Variants in RYR2 observed in about 807,000 individuals in gnomAD.
The protein encoded by RYR2 is ryanodine receptor 2.
Under a neutral mutation model 601.1 loss-of-function variants are expected in RYR2, and 227 were observed. The ratio of observed to expected loss-of-function variants is 0.38; its 90% confidence interval spans 0.34 to 0.42. RYR2 has a LOEUF of 0.42. RYR2 is among the 10% of genes least tolerant of loss of function. RYR2 has a pLI of 1.00. For synonymous variants in RYR2, 2,223 were observed against 2,175.1 expected (o/e 1.02, Z -0.61); for missense variants, 4,646 against 6,156.5 (o/e 0.75, Z 8.21).
chr1:237,719,022 G>T (rs1689490314), intron 73 of RYR2, among the ~76,000 whole-genome samples: 1 of 152,268 alleles, frequency 6.6e-6, no homozygotes, highest in South Asian at 2.1e-4. Context: ...CCAACAGTTT[G>T]GGAGGCTGAG....
At chr1:237,595,768 C>T in intron 34 of RYR2, 111 bp downstream of exon 34, 1 of 1,283,242 alleles carries the variant, frequency 7.8e-7, no homozygotes, top group Non-Finnish European at 1.0e-6. Flanking sequence ...TGTACATGTG[C>T]CCCTGGTCTG....
chr1:237,328,047 T>A (rs1455172601), intron 2 of RYR2, among the ~76,000 whole-genome samples: 1 of 152,224 alleles, frequency 6.6e-6, no homozygotes, highest in East Asian at 1.9e-4. Context: ...GATTGTTAGA[T>A]ATTTTGGATT....
chr1:237,554,710 A>G (rs2148143952), intron 27 of RYR2, among the ~76,000 whole-genome samples: 1 of 152,076 alleles, frequency 6.6e-6, no homozygotes, highest in East Asian at 1.9e-4. Flanking sequence ...CAACTTTGAT[A>G]AATTATGTTT....
intron 1 of RYR2, among the ~76,000 whole-genome samples, chr1:237,230,341 C>T (rs1375253146): frequency 1.3e-5 from 2 of 152,126 alleles, no homozygotes; most frequent in Non-Finnish European, 2.9e-5. Flanking sequence ...TTATATGCCA[C>T]TATTATAGGT....
chr1:237,324,306 AAAC>A (rs1695932663), intron 2 of RYR2, among the ~76,000 whole-genome samples: 1 of 152,216 alleles, frequency 6.6e-6, no homozygotes, highest in African/African-American at 2.4e-5. Context: ...TGGTAAATTA[AAAC>A]AACAACCACC....
At chr1:237,520,439 ATTG>A (rs760966557) in intron 24 of RYR2, among the ~76,000 whole-genome samples, 1 of 152,080 alleles carries the variant, frequency 6.6e-6, no homozygotes, top group Non-Finnish European at 1.5e-5. Flanking sequence ...TAGCTGTGAG[ATTG>A]TTGTATATGG....
chr1:237,240,389 A>G (rs896458662), intron 1 of RYR2, among the ~76,000 whole-genome samples: 7 of 152,134 alleles, frequency 4.6e-5, no homozygotes, highest in African/African-American at 1.7e-4. Context: ...AACACCTTTT[A>G]TTAATAAAGA....
chr1:237,783,126 G>T (rs906691198), intron 89 of RYR2, among the ~76,000 whole-genome samples: 1 of 152,168 alleles, frequency 6.6e-6, no homozygotes, highest in Non-Finnish European at 1.5e-5. Context: ...ATCAGAAAAA[G>T]CGTACAGTTT....
At chr1:237,795,844 A>ATATATATATATATATATG (rs1553329322) in intron 96 of RYR2, among the ~76,000 whole-genome samples, 1 of 114,218 alleles carries the variant, frequency 8.8e-6, no homozygotes, top group Non-Finnish European at 1.7e-5. Context: ...GTGTATATAT[A>ATATATATATATATATATG]TATATGTATA....
rs571828296 is a variant in RYR2, at chr1:237,496,558, A to G, written c.2009A>G (p.Tyr670Cys). The part of the protein sequence containing the change: ...FLGVSEGSAQ[Y>C]KKWYYELMVD... ...GGCGTCAGTGAAGGTTCTGCTCAGT[A>G]TAAGAAATGGTACTATGAATTGATG... is the stretch of plus-strand genomic sequence containing the variant. Residue 670 changes from tyrosine (Y) to cysteine (C), a missense_variant, in exon 20 of 105, where the codon TAT becomes TGT. This residue lies in a region of RYR2 where 1,807 missense variants were observed against 2,088.1 expected (regional missense o/e 0.87). Coordinates refer to ENST00000366574, the MANE Select transcript of RYR2 (RefSeq NM_001035.3). 4 of 1,614,040 alleles carry G rather than the reference A, an allele frequency of 2.5e-6. No homozygotes were observed. The South Asian group carries it at 3.3e-5, about 13-fold the overall frequency.
chr1:237,776,380 C>G (rs1367684880), intron 87 of RYR2, among the ~76,000 whole-genome samples: 1 of 152,180 alleles, frequency 6.6e-6, no homozygotes, highest in Non-Finnish European at 1.5e-5. Context: ...TCACCACTGT[C>G]CCTTCAGACT....
chr1:237,515,858 C>T (rs1666453813), intron 24 of RYR2, among the ~76,000 whole-genome samples: 3 of 19,010 alleles, frequency 1.6e-4, no homozygotes, highest in South Asian at 1.7e-3. Flanking sequence ...CTCTTCTTCT[C>T]TTCTCTCTTC....
In RYR2 at chr1:237,491,871, G is replaced by A; in HGVS notation, c.1774G>A (p.Gly592Arg). 1 of 1,473,518 alleles carries A rather than the reference G, an allele frequency of 6.8e-7. No homozygotes were observed. The highest frequency in any genetic ancestry group is 1.2e-5 in the South Asian group (1 of 81,576). 91.3% of individuals were successfully genotyped at this position (1,473,518 alleles called of 1,614,324 possible). A position where few individuals can be genotyped will look rare whatever the true frequency, so the allele number is the denominator to read the frequency against. The change falls in exon 18 of 105, where the codon GGA becomes AGA. Residue 592 changes from glycine to arginine, a missense_variant. This residue lies in a region of RYR2 where 1,807 missense variants were observed against 2,088.1 expected (regional missense o/e 0.87). Coordinates refer to ENST00000366574, the MANE Select transcript of RYR2 (RefSeq NM_001035.3). Reference protein sequence around the residue: ...SPEALNIIKEGHIKSIISLLD... With the variant: ...SPEALNIIKERHIKSIISLLD... ...AGAAGCTCTAAATATTATTAAAGAA[G>A]GACATATTAAATCTATTATCTCACT...
intron 2 of RYR2, among the ~76,000 whole-genome samples, chr1:237,316,564 T>G (rs1335001247): frequency 6.6e-6 from 1 of 152,216 alleles, no homozygotes; most frequent in African/African-American, 2.4e-5. Context: ...CTCAAATTTG[T>G]TTCTCCTCCT....
chr1:237,411,730 T>C (rs1704472544), intron 10 of RYR2, among the ~76,000 whole-genome samples: 1 of 152,160 alleles, frequency 6.6e-6, no homozygotes, highest in African/African-American at 2.4e-5. Context: ...CTTGCACAAG[T>C]TCACACAAAG....
chr1:237,610,492 C>G lies in RYR2; in HGVS notation c.4684-270C>G, dbSNP rs1677719083. ...GATATATGGGTATGCTTGGCCTTCT[C>G]TCTGTGCCATTCAGTATATGGGAAA... On this transcript the variant is annotated intron_variant, in intron 35 of 104. Coordinates refer to ENST00000366574, the MANE Select transcript of RYR2 (RefSeq NM_001035.3). The surrounding 1 kb of genome is among the most constrained non-coding windows in gnomAD (Gnocchi z 4.9). Among the ~76,000 whole-genome samples the G allele has an allele frequency of 6.6e-6, 1 of 152,180 alleles. No homozygotes were observed. The highest frequency in any genetic ancestry group is 1.5e-5 in the Non-Finnish European group (1 of 68,042).
chr1:237,328,620 C>T (rs779241552), intron 2 of RYR2, among the ~76,000 whole-genome samples: 10 of 151,190 alleles, frequency 6.6e-5, no homozygotes, highest in Non-Finnish European at 1.2e-4. Flanking sequence ...AAAAACAAAA[C>T]AGAACAAAAC....
At chr1:237,748,882 C>T (rs904175698) in intron 80 of RYR2, among the ~76,000 whole-genome samples, 1 of 152,108 alleles carries the variant, frequency 6.6e-6, no homozygotes, top group Non-Finnish European at 1.5e-5. Context: ...TGTCACTGTT[C>T]CCTAAACAAT....
At chr1:237,162,476 A>C (rs570812718) in intron 1 of RYR2, among the ~76,000 whole-genome samples, 77 of 151,984 alleles carry the variant, frequency 5.1e-4, no homozygotes, top group Non-Finnish European at 9.4e-4. Context: ...TTTTAATTTC[A>C]TTTCCTATCA....
Sources: allele counts gnomAD v4.1 joint callset (sites outside exome capture counted in the v4.1 genomes callset), GRCh38; gene constraint gnomAD v4.1.1; regional missense constraint gnomAD v4.1.1; non-coding constraint Gnocchi (gnomAD v3.1); transcripts MANE v1.5; gene names NCBI Gene and HGNC (gene_info 2026-07-23, HGNC 2026-07-21).